PRR5: variants seen among roughly 807,000 people sequenced by gnomAD.
PRR5 encodes the protein proline rich 5, also known as proline-rich protein 5.
In PRR5, 25 loss-of-function variants were observed where a neutral mutation model predicts 30.6. The observed-to-expected ratio is 0.82, with a 90% CI of 0.60 to 1.14. PRR5 has a LOEUF of 1.14. Among genes scored for constraint, PRR5 ranks in the 50% most tolerant of loss-of-function variants. The pLI is 0.00. For missense variants in PRR5, 600 were observed against 547.1 expected, an observed-to-expected ratio of 1.10 and a Z score of -0.96; for synonymous variants, 286 against 247.1, an observed-to-expected ratio of 1.16 and a Z score of -1.48.
intron 1 of PRR5, among the ~76,000 whole-genome samples, chr22:44,680,400 G>T (rs9614555): frequency 0.082 from 12,483 of 152,164 alleles, 688 homozygotes; most frequent in East Asian, 0.27. Flanking sequence ...GGAAAGGGGG[G>T]ATGGGGAAGG....
intron 2 of PRR5, among the ~76,000 whole-genome samples, chr22:44,721,030 A>G (rs1398534535): frequency 6.6e-6 from 1 of 152,170 alleles, no homozygotes; most frequent in Non-Finnish European, 1.5e-5. Context: ...ACCCGCACTC[A>G]TCATGGGCAG....
Position 44,708,153 on chromosome 22 carries a change from A to G in PRR5, c.134+5545A>G, listed in dbSNP as rs188615288. Reference sequence around the variant, plus strand: ...AGACGGAGGTTGCAGTGAGCCGAGAACACGCCACTGCACTCCAGCCTAGGT... The same window carrying G: ...AGACGGAGGTTGCAGTGAGCCGAGAGCACGCCACTGCACTCCAGCCTAGGT... On this transcript the variant is annotated intron_variant, in intron 1 of 7. Coordinates refer to ENST00000336985, the MANE Select transcript of PRR5 (RefSeq NM_181333.4). Among the ~76,000 whole-genome samples, 834 of 152,124 alleles carry G rather than the reference A, an allele frequency of 5.5e-3. 3 individuals carry two copies. Among genetic ancestry groups the G allele is most frequent in the African/African-American group, 0.019 (782 of 41,498 alleles).
At chr22:44,669,394 A>G (rs1051808195) in intron 1 of PRR5, among the ~76,000 whole-genome samples, 15 of 152,302 alleles carry the variant, frequency 9.8e-5, no homozygotes, top group Admixed American at 5.9e-4. Context: ...CTGGCCCTGC[A>G]GAGTGGGTGG....
At chr22:44,712,584 T>A (rs1227663244) in intron 1 of PRR5, among the ~76,000 whole-genome samples, 1 of 152,206 alleles carries the variant, frequency 6.6e-6, no homozygotes, top group African/African-American at 2.4e-5. Flanking sequence ...AGCAGAGGAC[T>A]TAGCCACCTG....
intron 1 of PRR5, chr22:44,679,424 G>A (rs968755377): frequency 6.1e-5 from 10 of 164,648 alleles, no homozygotes; most frequent in Non-Finnish European, 9.3e-5. Context: ...CACAGCCTCA[G>A]CCAGGCGCAG....
chr22:44,706,041 C>G (rs1387386283), intron 1 of PRR5, among the ~76,000 whole-genome samples: 1 of 152,122 alleles, frequency 6.6e-6, no homozygotes, highest in Non-Finnish European at 1.5e-5. Flanking sequence ...CTCTGGTGAT[C>G]CGCCTGCCTC....
chr22:44,689,680 G>A (rs765713879), intron 1 of PRR5, among the ~76,000 whole-genome samples: 22 of 152,136 alleles, frequency 1.4e-4, no homozygotes, highest in Non-Finnish European at 2.5e-4. Flanking sequence ...ACGGAGTCTC[G>A]CTCTATCACC....
At chr22:44,704,537 G>A (rs886191324) in intron 1 of PRR5, among the ~76,000 whole-genome samples, 4 of 151,956 alleles carry the variant, frequency 2.6e-5, no homozygotes, top group East Asian at 1.9e-4. Context: ...GCCCCTCCCC[G>A]CGGCACCTGC....
chr22:44,733,219 A>G (rs6006860), intron 6 of PRR5, among the ~76,000 whole-genome samples: 132,306 of 152,248 alleles, frequency 0.87, 57,758 homozygotes, highest in African/African-American at 0.95. Context: ...ACCGCAAGCC[A>G]GGGGTTTCTG....
At chr22:44,727,925 A>C (rs1395655536) in intron 4 of PRR5, among the ~76,000 whole-genome samples, 1 of 152,192 alleles carries the variant, frequency 6.6e-6, no homozygotes, top group East Asian at 1.9e-4. Context: ...CAACATCTAG[A>C]CTGGCAGGAC....
rs62621218 is a variant in PRR5, at chr22:44,730,735, C to T, written c.323-995C>T. 2.7e-3 allele frequency: 2,438 copies of T among 908,032 alleles called. 59 individuals carry two copies. The African/African-American group carries it at 0.04, about 15-fold the overall frequency. 56.2% of individuals were successfully genotyped at this position (908,032 alleles called of 1,614,324 possible). A position where few individuals can be genotyped will look rare whatever the true frequency, so the allele number is the denominator to read the frequency against. ...GACCCTCTGCACCCTCTTCTTCCTT[C>T]GACGTGGTGCTGCTATTGGAAGGGG... On this transcript the variant is annotated intron_variant, in intron 4 of 7. Transcript: ENST00000336985.
chr22:44,730,153 G>A, intron 4 of PRR5: 1 of 985,238 alleles, frequency 1.0e-6, no homozygotes, highest in Non-Finnish European at 1.2e-6. Flanking sequence ...ATGAAGCTGG[G>A]GGCTTCCGGG....
intron 6 of PRR5, chr22:44,734,337 G>C (rs1322622372): frequency 6.6e-6 from 1 of 152,228 alleles, no homozygotes; most frequent in Non-Finnish European, 1.5e-5. Context: ...GAGGCCTGCT[G>C]TCTTCCATTC....
chr22:44,728,470 C>T (rs743895), intron 4 of PRR5, among the ~76,000 whole-genome samples: 23,119 of 152,196 alleles, frequency 0.15, 2,385 homozygotes, highest in African/African-American at 0.29. Flanking sequence ...GACACGGACC[C>T]GAGGGTGACA....
intron 1 of PRR5, among the ~76,000 whole-genome samples, chr22:44,690,871 A>C (rs1278925714): frequency 6.6e-6 from 1 of 152,014 alleles, no homozygotes; most frequent in Admixed American, 6.5e-5. Context: ...GGGGCCTGGC[A>C]GGGCGTGGCG....
At chr22:44,732,920 G>T (rs1922429803) in intron 6 of PRR5, among the ~76,000 whole-genome samples, 1 of 143,888 alleles carries the variant, frequency 6.9e-6, no homozygotes, top group Admixed American at 7.1e-5. Flanking sequence ...CACTACACAC[G>T]TGCGCACGCA....
chr22:44,678,631 C>T (rs905505798), intron 1 of PRR5, among the ~76,000 whole-genome samples: 4 of 152,124 alleles, frequency 2.6e-5, no homozygotes, highest in Admixed American at 2.6e-4. Flanking sequence ...TTCTTTAAGC[C>T]GCTGCTGGAA....
intron 4 of PRR5, among the ~76,000 whole-genome samples, chr22:44,728,962 G>A (rs11912201): frequency 0.026 from 3,995 of 152,296 alleles, 163 homozygotes; most frequent in African/African-American, 0.088. Flanking sequence ...AGACTGGACC[G>A]CGGCCGGGGT....
chr22:44,698,094 C>T (rs899844292), upstream of PRR5, among the ~76,000 whole-genome samples: 10 of 152,190 alleles, frequency 6.6e-5, no homozygotes, highest in African/African-American at 1.9e-4. Context: ...CTGAGCCAGG[C>T]TTAGGGATTG....
Sources: gnomAD v4.1 joint callset for allele counts (sites outside exome capture counted in the v4.1 genomes callset) on GRCh38, gnomAD v4.1.1 for gene constraint, MANE v1.5 for transcripts, NCBI Gene and HGNC (gene_info 2026-07-23, HGNC 2026-07-21) for gene names.